AGPAT1: variants seen among roughly 807,000 people sequenced by gnomAD.
AGPAT1 encodes 1-acylglycerol-3-phosphate O-acyltransferase 1.
Under a neutral mutation model 31.2 loss-of-function variants are expected in AGPAT1, and 6 were observed. That is an observed-to-expected ratio of 0.19 (90% CI 0.11 to 0.38). The LOEUF is 0.38. Ranked by LOEUF, AGPAT1 falls within the 10% of genes least tolerant of loss-of-function variation. The probability of loss-of-function intolerance (pLI) is 1.00; values close to 1 mark genes in which losing one functional copy is unlikely to be tolerated. For missense variants in AGPAT1, 187 were observed against 377.8 expected (o/e 0.49, Z 4.19); for synonymous variants, 139 against 154.0 (o/e 0.90, Z 0.72).
At chr6:32,176,501 T>A, upstream of AGPAT1, 2 of 985,632 alleles carry the variant, frequency 2.0e-6, no homozygotes, top group Non-Finnish European at 2.4e-6. Flanking sequence ...TTATCAAGCA[T>A]CTACCTACCA....
Position 32,171,781 on chromosome 6 carries a change from C to T in AGPAT1, c.-9-276G>A. On this transcript the variant is annotated intron_variant, in intron 1 of 6. Transcript: ENST00000375107. The surrounding 1 kb of genome is among the most constrained non-coding windows in gnomAD (Gnocchi z 6.9). The stretch of plus-strand genomic sequence containing the variant: ...ACAGACATCTACAATTCACAGATAC[C>T]TGATAATAAATGACAACAAGAATAA... 1 of 576,310 alleles carries T rather than the reference C, an allele frequency of 1.7e-6. No homozygotes were observed. The highest frequency in any genetic ancestry group is 2.9e-5 in the East Asian group (1 of 34,864). 35.7% of individuals were successfully genotyped at this position (576,310 alleles called of 1,614,324 possible).
At position 32,175,791 on chromosome 6, in the gene AGPAT1, TC is replaced by T; in HGVS notation, c.-10+22del. ...CTTTCAGCACCCTCTTCCCTCCTCC[TC>T]CCATCCCTTTCCCGCCCACACCTCA... On this transcript the variant is annotated intron_variant, in intron 1 of 6. Transcript: ENST00000375107. The surrounding 1 kb of genome is among the most constrained non-coding windows in gnomAD (Gnocchi z 4.5). 1 of 974,286 alleles carries T rather than the reference TC, an allele frequency of 1.0e-6. No individual in the cohort carries two copies. Among genetic ancestry groups the T allele is most frequent in the Non-Finnish European group, 1.2e-6 (1 of 820,018 alleles). The allele number at this position is 974,286 out of a possible 1,614,324, so 60.4% of individuals were successfully genotyped here.
upstream of AGPAT1, chr6:32,176,860 T>C (rs1582681120): frequency 5.1e-6 from 2 of 395,816 alleles, no homozygotes; most frequent in East Asian, 7.1e-5. Context: ...AGGGGTGCTT[T>C]CTAGAAAAAT....
rs887658020 is a variant in AGPAT1, at chr6:32,172,655, C to A, written c.-9-1150G>T. Among the ~76,000 whole-genome samples the A allele has an allele frequency of 7.9e-5, 12 of 152,138 alleles. No individual in the cohort carries two copies. Among genetic ancestry groups the A allele is most frequent in the Non-Finnish European group, 1.5e-5 (1 of 68,026 alleles). On this transcript the variant is annotated intron_variant, in intron 1 of 6. Transcript: ENST00000375107. This position sits in a 1 kb window ranked among gnomAD's most constrained non-coding sequence, Gnocchi z 4.3. ...GTTCCTAACCACTCCATTACGCTGA[C>A]ACTGGTATGTATTGCATATATATAT...
upstream of AGPAT1, chr6:32,176,597 T>G (rs2127424523): frequency 1.1e-6 from 1 of 913,256 alleles, no homozygotes; most frequent in East Asian, 1.1e-4. Context: ...TCTGGTCTGG[T>G]TTCCTTTGCC....
At chr6:32,177,671 C>A (rs1386034725), upstream of AGPAT1, 2 of 152,198 alleles carry the variant, frequency 1.3e-5, no homozygotes, top group Non-Finnish European at 2.9e-5. Flanking sequence ...AAGGGAGGGG[C>A]AGACCCAAGT....
Position 32,170,154 on chromosome 6 carries a change from G to A in AGPAT1, c.606+11C>T. 6.2e-7 allele frequency: 1 copy of A among 1,613,908 alleles called. No individual in the cohort carries two copies. The highest frequency in any genetic ancestry group is 8.5e-7 in the Non-Finnish European group (1 of 1,179,782). On this transcript the variant is annotated intron_variant, in intron 5 of 6. Transcript: ENST00000375107. The surrounding 1 kb of genome is among the most constrained non-coding windows in gnomAD (Gnocchi z 7.7). The stretch of plus-strand genomic sequence containing the variant: ...TGGCAGCTGAGTAGCAGAACGAAGA[G>A]CAGTAGTCACCTGGGCCTGCACTGC...
At chr6:32,176,134 G>A, upstream of AGPAT1, 1 of 985,084 alleles carries the variant, frequency 1.0e-6, no homozygotes, top group Non-Finnish European at 1.2e-6. Flanking sequence ...GGGCCGGCCA[G>A]GAAGTGGAGG....
chr6:32,172,243 C>T lies in AGPAT1; in HGVS notation c.-9-738G>A, dbSNP rs1785169561. Among the ~76,000 whole-genome samples the T allele has an allele frequency of 1.3e-5, 2 of 151,066 alleles. No individual in the cohort carries two copies. Among genetic ancestry groups the T allele is most frequent in the South Asian group, 2.1e-4 (1 of 4,798 alleles). On this transcript the variant is annotated intron_variant, in intron 1 of 6. Coordinates refer to ENST00000375107, the MANE Select transcript of AGPAT1 (RefSeq NM_006411.4). The surrounding 1 kb of genome is among the most constrained non-coding windows in gnomAD (Gnocchi z 4.3). ...AGGAGAATCGCTTGAATCCGGGAGG[C>T]GGAGGTTGCAGTGAGCCAAGATCAC...
Position 32,171,515 on chromosome 6 carries a change from A to C in AGPAT1, c.-9-10T>G, listed in dbSNP as rs1397981078. On this transcript the variant is annotated splice_polypyrimidine_tract_variant and intron_variant, in intron 1 of 6. Coordinates refer to ENST00000375107, the MANE Select transcript of AGPAT1 (RefSeq NM_006411.4). The surrounding 1 kb of genome is among the most constrained non-coding windows in gnomAD (Gnocchi z 6.9). Reference sequence around the variant, plus strand: ...AATCCATTCTGGCCACCTGCAGGGGATGGGGCAAGGGACAATCAGCCTGGT... The same window carrying C: ...AATCCATTCTGGCCACCTGCAGGGGCTGGGGCAAGGGACAATCAGCCTGGT... 1 of 1,559,714 alleles carries C rather than the reference A, an allele frequency of 6.4e-7. No individual in the cohort carries two copies. Among genetic ancestry groups the C allele is most frequent in the South Asian group, 1.2e-5 (1 of 86,702 alleles).
chr6:32,176,062 G>A lies in AGPAT1; in HGVS notation c.-258C>T, dbSNP rs1785521716. ...CCCTCCCTTTCTGCTGTCTCTCTGA[G>A]GGCTGGGGCTGCTGCCGCCGCTATT... On this transcript the variant is annotated 5_prime_UTR_variant, in exon 1 of 7. Coordinates refer to ENST00000375107, the MANE Select transcript of AGPAT1 (RefSeq NM_006411.4). 2.0e-6 allele frequency: 2 copies of A among 977,580 alleles called. No homozygotes were observed. The highest frequency in any genetic ancestry group is 2.4e-6 in the Non-Finnish European group (2 of 823,584). 60.6% of individuals were successfully genotyped at this position (977,580 alleles called of 1,614,324 possible).
In AGPAT1 at chr6:32,171,176, C is replaced by T; in HGVS notation, c.201-106G>A. ...TTCTGACCACCTTTGCAGTCCTCTC[C>T]CCATTCCCTGTCTCTGGTCTCTCTC... On this transcript the variant is annotated intron_variant, in intron 2 of 6. Coordinates refer to ENST00000375107, the MANE Select transcript of AGPAT1 (RefSeq NM_006411.4). The surrounding 1 kb of genome is among the most constrained non-coding windows in gnomAD (Gnocchi z 6.9). The T allele has an allele frequency of 6.3e-7, 1 of 1,590,090 alleles. No homozygotes were observed. The highest frequency in any genetic ancestry group is 8.6e-7 in the Non-Finnish European group (1 of 1,166,002).
In AGPAT1 at chr6:32,176,043, CTTT is replaced by C; in HGVS notation, c.-242_-240del. On this transcript the variant is annotated 5_prime_UTR_variant, in exon 1 of 7. Transcript: ENST00000375107. ...TCCCCCCAGCACCCTCCCTCCCTCC[CTTT>C]CTGCTGTCTCTCTGAGGGCTGGGGC... The C allele has an allele frequency of 1.0e-6, 1 of 984,978 alleles. No homozygotes were observed. Among genetic ancestry groups the C allele is most frequent in the Non-Finnish European group, 1.2e-6 (1 of 829,506 alleles). 61.0% of individuals were successfully genotyped at this position (984,978 alleles called of 1,614,324 possible). A position where few individuals can be genotyped will look rare whatever the true frequency, so the allele number is the denominator to read the frequency against.
At chr6:32,176,402 C>CT (rs923195167), upstream of AGPAT1, 2 of 793,032 alleles carry the variant, frequency 2.5e-6, no homozygotes, top group Non-Finnish European at 3.1e-6. Context: ...TACTTGGTCT[C>CT]TTTTTTTCTC....
rs1182597842 is a variant in AGPAT1 at position 32,169,941 on chromosome 6, C to T, written c.679+25G>A. The T allele has an allele frequency of 1.2e-6, 2 of 1,603,248 alleles. No homozygotes were observed. The highest frequency in any genetic ancestry group is 1.7e-6 in the Non-Finnish European group (2 of 1,171,982). ...TCCCAGCCTCTCCGGACACACCCTA[C>T]CCCAGAACTGCTCAAAGCCCTCACC... On this transcript the variant is annotated intron_variant, in intron 6 of 6. Coordinates refer to ENST00000375107, the MANE Select transcript of AGPAT1 (RefSeq NM_006411.4). This position sits in a 1 kb window ranked among gnomAD's most constrained non-coding sequence, Gnocchi z 5.9.
In AGPAT1 at chr6:32,176,065, C is replaced by G. The variant is rs905992565; in HGVS notation, c.-261G>C. Reference sequence around the variant, plus strand: ...TCCCTTTCTGCTGTCTCTCTGAGGGCTGGGGCTGCTGCCGCCGCTATTCCC... The same window carrying G: ...TCCCTTTCTGCTGTCTCTCTGAGGGGTGGGGCTGCTGCCGCCGCTATTCCC... On this transcript the variant is annotated 5_prime_UTR_variant, in exon 1 of 7. Transcript: ENST00000375107. 11 of 731,272 alleles carry G rather than the reference C, an allele frequency of 1.5e-5. No individual in the cohort carries two copies. The highest frequency in any genetic ancestry group is 1.8e-5 in the Non-Finnish European group (11 of 602,394). 45.3% of individuals were successfully genotyped at this position (731,272 alleles called of 1,614,324 possible).
Position 32,171,832 on chromosome 6 carries a change from G to T in AGPAT1, c.-9-327C>A, listed in dbSNP as rs1785134464. On this transcript the variant is annotated intron_variant, in intron 1 of 6. Transcript: ENST00000375107. This position sits in a 1 kb window ranked among gnomAD's most constrained non-coding sequence, Gnocchi z 6.9. ...TAGCTAACACTTGTAGCTGGTAAGG[G>T]TCTTATAATGGTCTATACTTGTGCT... 2.0e-6 allele frequency: 1 copy of T among 492,230 alleles called. No homozygotes were observed. The highest frequency in any genetic ancestry group is 3.7e-6 in the Non-Finnish European group (1 of 271,612). The allele number at this position is 492,230 out of a possible 1,614,324, so 30.5% of individuals were successfully genotyped here.
chr6:32,171,007 C>T lies in AGPAT1; in HGVS notation c.264G>A (p.Gly88=). 1 of 1,612,620 alleles carries T rather than the reference C, an allele frequency of 6.2e-7. No homozygotes were observed. Among genetic ancestry groups the T allele is most frequent in the Non-Finnish European group, 8.5e-7 (1 of 1,179,936 alleles). ...YLYGIRVEVR[G]AHHFPPSQPY... ...GCTGCGAGGGAGGGAAGTGGTGAGC[C>T]CCTCGCACCTCCACTCGGATCCCGT... Residue 88 remains glycine (G), a synonymous_variant, in exon 3 of 7, where the codon GGG becomes GGA. Transcript: ENST00000375107. The surrounding 1 kb of genome is among the most constrained non-coding windows in gnomAD (Gnocchi z 6.9).
chr6:32,170,265 G>A lies in AGPAT1; in HGVS notation c.511-5C>T. ...AGGAAACACCCAGACCCTCACCTGG[G>A]GGAGAAAGAGGGTCAAAGAAGACAA... On this transcript the variant is annotated splice_region_variant and splice_polypyrimidine_tract_variant and intron_variant, in intron 4 of 6. Coordinates refer to ENST00000375107, the MANE Select transcript of AGPAT1 (RefSeq NM_006411.4). The surrounding 1 kb of genome is among the most constrained non-coding windows in gnomAD (Gnocchi z 7.7). 6.2e-7 allele frequency: 1 copy of A among 1,611,814 alleles called. No individual in the cohort carries two copies. The highest frequency in any genetic ancestry group is 8.5e-7 in the Non-Finnish European group (1 of 1,178,832).
Sources: gnomAD v4.1 joint callset for allele counts (sites outside exome capture counted in the v4.1 genomes callset) on GRCh38, gnomAD v4.1.1 for gene constraint, Gnocchi (gnomAD v3.1) non-coding constraint, MANE v1.5 for transcripts, NCBI Gene and HGNC (gene_info 2026-07-23, HGNC 2026-07-21) for gene names.